MBD5: variants seen among roughly 807,000 people sequenced by gnomAD.
MBD5 encodes the protein methyl-CpG-binding domain protein 5.
A neutral mutation model predicts 117.3 loss-of-function variants in MBD5; 13 were observed. The ratio of observed to expected loss-of-function variants is 0.11; its 90% CI spans 0.07 to 0.18. MBD5 has a LOEUF of 0.18. MBD5 is among the 10% of genes least tolerant of loss of function. The probability of loss-of-function intolerance (pLI) is 1.00; values close to 1 mark genes in which losing one functional copy is unlikely to be tolerated. For missense variants in MBD5, 1,879 were observed against 2,093.8 expected, an observed-to-expected ratio of 0.90 and a Z score of 2.00; for synonymous variants, 727 against 766.4, an observed-to-expected ratio of 0.95 and a Z score of 0.85.
At chr2:148,030,289 A>C (rs1694002875) in intron 1 of MBD5, among the ~76,000 whole-genome samples, 1 of 152,046 alleles carries the variant, frequency 6.6e-6, no homozygotes, top group Non-Finnish European at 1.5e-5. Flanking sequence ...GAAAAAAAAA[A>C]GTTGGGAAAT....
intron 8 of MBD5, among the ~76,000 whole-genome samples, chr2:148,476,024 AGAC>A (rs2105695213): frequency 6.6e-6 from 1 of 152,312 alleles, no homozygotes; most frequent in East Asian, 1.9e-4. Flanking sequence ...AAGTGGAGCT[AGAC>A]AACAGAAGTC....
chr2:148,360,826 T>C (rs571643049), intron 4 of MBD5, among the ~76,000 whole-genome samples: 99 of 152,134 alleles, frequency 6.5e-4, no homozygotes, highest in Non-Finnish European at 1.1e-3. Flanking sequence ...TGTTGAAAAA[T>C]ATTCAAAAAC....
intron 1 of MBD5, chr2:148,068,725 T>C (rs866997007): frequency 1.3e-5 from 2 of 152,212 alleles, no homozygotes; most frequent in Non-Finnish European, 2.9e-5. Flanking sequence ...TCTTAAGAAG[T>C]CAGGAGGTGA....
At chr2:148,468,306 T>C (rs1456147008) in intron 7 of MBD5, 35 bp from the exon 8 acceptor site, 2 of 1,576,226 alleles carry the variant, frequency 1.3e-6, no homozygotes, top group Non-Finnish European at 1.7e-6. Flanking sequence ...GAGTTGAGAC[T>C]GTTAACAGAA....
In MBD5 at chr2:148,106,736, G is replaced by A. The variant is rs528903276; in HGVS notation, c.-924-71964G>A. Among the ~76,000 whole-genome samples, 138 of 151,912 alleles carry A rather than the reference G, an allele frequency of 9.1e-4. 1 individual carries two copies. The highest frequency in any genetic ancestry group is 3.3e-3 in the African/African-American group (138 of 41,520). On this transcript the variant is annotated intron_variant, in intron 1 of 13. Transcript: ENST00000642680. Reference sequence around the variant, plus strand: ...TTTGTAGGTGGTTACTCAAGAAATGGTATCATGTGTACTTTTCAATTTATG... The same window carrying A: ...TTTGTAGGTGGTTACTCAAGAAATGATATCATGTGTACTTTTCAATTTATG...
At chr2:148,177,994 C>CAAAACA (rs991515132) in intron 1 of MBD5, among the ~76,000 whole-genome samples, 1 of 152,086 alleles carries the variant, frequency 6.6e-6, no homozygotes, top group African/African-American at 2.4e-5. Context: ...TGTCTCAAAA[C>CAAAACA]AAAACAAAAA....
chr2:148,485,682 A>G, intron 9 of MBD5, 60 bp from the exon 10 acceptor site: 1 of 1,262,886 alleles, frequency 7.9e-7, no homozygotes, highest in Admixed American at 2.0e-5. Context: ...GGGTACAAAG[A>G]GAGGCATCGA....
intron 3 of MBD5, among the ~76,000 whole-genome samples, chr2:148,282,856 A>G (rs570931244): frequency 1.3e-5 from 2 of 151,092 alleles, no homozygotes; most frequent in Non-Finnish European, 2.9e-5. Context: ...AATTTTGACT[A>G]CTGGATATTT....
chr2:148,246,290 A>G (rs1383429913), intron 3 of MBD5, among the ~76,000 whole-genome samples: 1 of 152,210 alleles, frequency 6.6e-6, no homozygotes, highest in Non-Finnish European at 1.5e-5. Flanking sequence ...AGCACTCATA[A>G]CATTACATTG....
At chr2:148,466,533 C>A (rs1707264831) in intron 7 of MBD5, among the ~76,000 whole-genome samples, 1 of 152,072 alleles carries the variant, frequency 6.6e-6, no homozygotes, top group Admixed American at 6.6e-5. Flanking sequence ...TGTTTTGTCA[C>A]TAAAGAGAAC....
intron 4 of MBD5, among the ~76,000 whole-genome samples, chr2:148,443,376 A>C (rs1031565819): frequency 1.3e-5 from 2 of 151,416 alleles, no homozygotes; most frequent in Non-Finnish European, 2.9e-5. Flanking sequence ...CATATGATCC[A>C]GCAATCTCAC....
At chr2:148,170,694 G>A (rs1021667105) in intron 1 of MBD5, among the ~76,000 whole-genome samples, 11 of 152,132 alleles carry the variant, frequency 7.2e-5, no homozygotes, top group African/African-American at 2.7e-4. Flanking sequence ...AAAAGTTTAT[G>A]ATTTGATATA....
In MBD5 at chr2:148,514,011, A is replaced by G. The variant is rs573353480; in HGVS notation, c.*1070A>G. On this transcript the variant is annotated 3_prime_UTR_variant, in exon 14 of 14. Coordinates refer to ENST00000642680, the MANE Select transcript of MBD5 (RefSeq NM_001378120.1). ...GTAGTGGCAAATATAAATATGAATCATCAAAGCAAGTTTCATATCCATTCA... is the reference window on the plus strand; with the variant it reads ...GTAGTGGCAAATATAAATATGAATCGTCAAAGCAAGTTTCATATCCATTCA... The G allele has an allele frequency of 6.6e-6, 1 of 152,354 alleles. No homozygotes were observed. The highest frequency in any genetic ancestry group is 2.1e-4 in the South Asian group (1 of 4,826). The allele number at this position is 152,354 out of a possible 1,614,324, so 9.4% of individuals were successfully genotyped here. A position where few individuals can be genotyped will look rare whatever the true frequency, so the allele number is the denominator to read the frequency against.
intron 1 of MBD5, among the ~76,000 whole-genome samples, chr2:148,038,821 C>T (rs1434726923): frequency 2.0e-5 from 3 of 151,500 alleles, no homozygotes; most frequent in Admixed American, 2.0e-4. Flanking sequence ...TAAATTATAC[C>T]AGGTTAACGA....
intron 1 of MBD5, among the ~76,000 whole-genome samples, chr2:148,022,016 G>C (rs977501613): frequency 6.6e-6 from 1 of 152,178 alleles, no homozygotes; most frequent in African/African-American, 2.4e-5. Context: ...GAGACAGAAA[G>C]AGGCACACTT....
At chr2:148,060,245 G>T (rs187701334) in intron 1 of MBD5, among the ~76,000 whole-genome samples, 4 of 147,912 alleles carry the variant, frequency 2.7e-5, no homozygotes, top group Non-Finnish European at 5.9e-5. Flanking sequence ...TGAGGTCAAG[G>T]CTGCGATGAG....
intron 3 of MBD5, among the ~76,000 whole-genome samples, chr2:148,238,934 G>A (rs1700149381): frequency 6.6e-6 from 1 of 151,746 alleles, no homozygotes; most frequent in Non-Finnish European, 1.5e-5. Flanking sequence ...CACATTCATA[G>A]GTACTAGAGG....
chr2:148,328,370 C>A (rs1702526296), intron 3 of MBD5, among the ~76,000 whole-genome samples: 1 of 152,184 alleles, frequency 6.6e-6, no homozygotes, highest in South Asian at 2.1e-4. Flanking sequence ...GGGCTCCACC[C>A]AGTTGGAGCT....
At chr2:148,085,856 T>G (rs1051268821) in intron 1 of MBD5, among the ~76,000 whole-genome samples, 3 of 152,216 alleles carry the variant, frequency 2.0e-5, no homozygotes, top group Non-Finnish European at 4.4e-5. Context: ...TATCTATAAT[T>G]GTGAATTTGC....
Sources: gnomAD v4.1 joint callset for allele counts (sites outside exome capture counted in the v4.1 genomes callset) on GRCh38, gnomAD v4.1.1 for gene constraint, MANE v1.5 for transcripts, NCBI Gene and HGNC (gene_info 2026-07-23, HGNC 2026-07-21) for gene names.